The following ZNF532 variants were observed in gnomAD, a reference collection of about 807,000 sequenced individuals.
ZNF532 encodes the protein zinc finger protein 532.
Under a neutral mutation model 89.3 loss-of-function variants are expected in ZNF532, and 22 were observed. That is an observed-to-expected ratio of 0.25 (90% CI 0.18 to 0.35). The LOEUF is 0.35. ZNF532 is among the 10% of genes least tolerant of loss of function. ZNF532 has a pLI of 1.00. For synonymous variants in ZNF532, 606 were observed against 649.6 expected, an observed-to-expected ratio of 0.93 and a Z score of 1.02; for missense variants, 1,132 against 1,643.4, an observed-to-expected ratio of 0.69 and a Z score of 5.38.
chr18:58,943,917 CAA>C (rs1405370651), intron 5 of ZNF532, among the ~76,000 whole-genome samples: 1 of 152,186 alleles, frequency 6.6e-6, no homozygotes, highest in Non-Finnish European at 1.5e-5. Context: ...GTATAAGAGA[CAA>C]GAGTTTTTGA....
chr18:58,919,328 C>G lies in ZNF532; in HGVS notation c.1041C>G (p.Ser347=), dbSNP rs1173154483. 1 of 1,614,024 alleles carries G rather than the reference C, an allele frequency of 6.2e-7. No homozygotes were observed. The highest frequency in any genetic ancestry group is 1.3e-5 in the African/African-American group (1 of 74,906). Reference sequence around the variant, plus strand: ...CAAGTGAGAACAGCAGCAAAGGATCCCCGTCCTCTCCCGCAGGGTCCACAC... The same window carrying G: ...CAAGTGAGAACAGCAGCAAAGGATCGCCGTCCTCTCCCGCAGGGTCCACAC... ...SISSENSSKG[S]PSSPAGSTPA... Residue 347 remains serine (S), a synonymous_variant, in exon 3 of 10, where the codon TCC becomes TCG. Transcript: ENST00000591808. This position sits in a 1 kb window ranked among gnomAD's most constrained non-coding sequence, Gnocchi z 6.1.
chr18:58,935,049 G>A (rs1448939864), intron 4 of ZNF532, among the ~76,000 whole-genome samples: 3 of 148,482 alleles, frequency 2.0e-5, no homozygotes, highest in Admixed American at 1.4e-4. Flanking sequence ...TGAAAGATGG[G>A]GTGTATGTTC....
chr18:58,869,720 G>C (rs1203638335), intron 2 of ZNF532, among the ~76,000 whole-genome samples: 2 of 151,640 alleles, frequency 1.3e-5, no homozygotes, highest in Non-Finnish European at 2.9e-5. Context: ...CAGTGAAGAG[G>C]GGAGATTTTG....
chr18:58,873,725 C>T (rs927135897), intron 2 of ZNF532, among the ~76,000 whole-genome samples: 29 of 152,132 alleles, frequency 1.9e-4, no homozygotes, highest in African/African-American at 7.0e-4. Flanking sequence ...AGCCACTGCA[C>T]CTGGCCAGTT....
Position 58,981,611 on chromosome 18 carries a change from C to T in ZNF532, c.3405C>T (p.Asp1135=). 1.2e-6 allele frequency: 2 copies of T among 1,614,120 alleles called. No homozygotes were observed. The highest frequency in any genetic ancestry group is 1.7e-6 in the Non-Finnish European group (2 of 1,179,972). ...TNEEETEIKE[D]TKVPSPKRKL... Reference sequence around the variant, plus strand: ...AGGAGGAAACAGAAATAAAAGAAGACACTAAGGTCTAACATTGCAGATGTT... The same window carrying T: ...AGGAGGAAACAGAAATAAAAGAAGATACTAAGGTCTAACATTGCAGATGTT... Residue 1135 remains aspartate (D), a synonymous_variant, in exon 9 of 10, where the codon GAC becomes GAT. Coordinates refer to ENST00000591808, the MANE Select transcript of ZNF532 (RefSeq NM_001375912.1).
At chr18:58,937,633 C>T (rs2146558681) in intron 4 of ZNF532, among the ~76,000 whole-genome samples, 1 of 152,164 alleles carries the variant, frequency 6.6e-6, no homozygotes, top group East Asian at 1.9e-4. Context: ...ATGGGAAAAT[C>T]TTCTGTTTAT....
chr18:58,944,344 C>A (rs946013361), intron 5 of ZNF532, among the ~76,000 whole-genome samples: 1 of 151,838 alleles, frequency 6.6e-6, no homozygotes, highest in Non-Finnish European at 1.5e-5. Flanking sequence ...TCCTTTCCCG[C>A]TCCCCCTCTC....
At chr18:58,896,823 A>T (rs1385660581) in intron 2 of ZNF532, among the ~76,000 whole-genome samples, 1 of 152,180 alleles carries the variant, frequency 6.6e-6, no homozygotes. Flanking sequence ...TTTTCAGGGG[A>T]TTTAGACAGG....
At chr18:58,907,466 G>C (rs1410555988) in intron 2 of ZNF532, among the ~76,000 whole-genome samples, 1 of 152,040 alleles carries the variant, frequency 6.6e-6, no homozygotes, top group East Asian at 1.9e-4. Context: ...TGGGATTAGA[G>C]GTGTGAGCCA....
chr18:58,895,950 C>CA (rs1479280242), intron 2 of ZNF532, among the ~76,000 whole-genome samples: 1 of 151,776 alleles, frequency 6.6e-6, no homozygotes, highest in Non-Finnish European at 1.5e-5. Flanking sequence ...CTCCTGGCCT[C>CA]AAACGGTCCT....
intron 2 of ZNF532, among the ~76,000 whole-genome samples, chr18:58,911,751 T>C (rs2060297736): frequency 6.6e-6 from 1 of 152,216 alleles, no homozygotes; most frequent in African/African-American, 2.4e-5. Flanking sequence ...AAAAACAAAA[T>C]TGCAGTGCTA....
chr18:58,942,561 C>G (rs1568384200), intron 5 of ZNF532, among the ~76,000 whole-genome samples: 1 of 152,086 alleles, frequency 6.6e-6, no homozygotes, highest in Admixed American at 6.5e-5. Flanking sequence ...GGAGCCCTCA[C>G]CCGCAGCCTG....
intron 2 of ZNF532, among the ~76,000 whole-genome samples, chr18:58,885,030 C>G (rs1310145915): frequency 1.3e-5 from 2 of 149,060 alleles, no homozygotes; most frequent in Non-Finnish European, 1.5e-5. Context: ...CTCTTGTTAC[C>G]TAGGTTAGAG....
chr18:58,920,751 TGTGTGTG>T, intron 3 of ZNF532, 118 bp downstream of exon 3: 2 of 486,230 alleles, frequency 4.1e-6, no homozygotes, highest in Admixed American at 7.5e-5. Context: ...TGTGTGTGTG[TGTGTGTG>T]TGTGTGTGTG....
At chr18:58,946,429 A>G (rs538230892) in intron 5 of ZNF532, among the ~76,000 whole-genome samples, 1 of 151,236 alleles carries the variant, frequency 6.6e-6, no homozygotes, top group African/African-American at 2.4e-5. Flanking sequence ...TAGCTCCCAC[A>G]CCCAGCTAAT....
intron 2 of ZNF532, among the ~76,000 whole-genome samples, chr18:58,893,820 C>T (rs568564626): frequency 2.0e-5 from 3 of 152,190 alleles, no homozygotes; most frequent in East Asian, 1.9e-4. Flanking sequence ...TTTTGCTTCT[C>T]GTGGGTACAA....
At chr18:58,936,029 G>A (rs571286138) in intron 4 of ZNF532, among the ~76,000 whole-genome samples, 4 of 152,316 alleles carry the variant, frequency 2.6e-5, no homozygotes, top group African/African-American at 4.8e-5. Flanking sequence ...CTCCAAACTT[G>A]TAATGCACAA....
chr18:58,984,177 G>A lies in ZNF532; in HGVS notation c.3617G>A (p.Arg1206Gln), dbSNP rs200537436. 1.3e-4 allele frequency: 207 copies of A among 1,611,678 alleles called. No homozygotes were observed. Among genetic ancestry groups the A allele is most frequent in the Admixed American group, 2.7e-4 (16 of 59,958 alleles). The change falls in exon 10 of 10, where the codon CGG becomes CAG. Residue 1206 changes from arginine to glutamine, a missense_variant. Physicochemically the swap from Arg to Gln is conservative, Grantham distance 43. This residue lies in a region of ZNF532 where 415 missense variants were observed against 604.8 expected (regional missense o/e 0.69). Transcript: ENST00000591808. ...TCGGATGGTTCTTCCTACCAGTGCCGGGAGTGTGGCCTCTGCTACACGTCT... is the reference window on the plus strand; with the variant it reads ...TCGGATGGTTCTTCCTACCAGTGCCAGGAGTGTGGCCTCTGCTACACGTCT... ...HKSDGSSYQC[R>Q]ECGLCYTSHV...
At chr18:58,940,939 C>CACACACACACACACAT (rs1555738694) in intron 5 of ZNF532, among the ~76,000 whole-genome samples, 5 of 140,596 alleles carry the variant, frequency 3.6e-5, no homozygotes, top group African/African-American at 1.3e-4. Flanking sequence ...CACACACACA[C>CACACACACACACACAT]ACACACACAC....
Sources: allele counts gnomAD v4.1 joint callset (sites outside exome capture counted in the v4.1 genomes callset), GRCh38; gene constraint gnomAD v4.1.1; regional missense constraint gnomAD v4.1.1; non-coding constraint Gnocchi (gnomAD v3.1); transcripts MANE v1.5; gene names NCBI Gene and HGNC (gene_info 2026-07-23, HGNC 2026-07-21).